The following WDFY3 variants were observed in gnomAD, a reference collection of about 807,000 sequenced individuals.
The protein encoded by WDFY3 is WD repeat and FYVE domain-containing protein 3.
In WDFY3, 66 loss-of-function variants were observed where a neutral mutation model predicts 409.6. The observed-to-expected ratio is 0.16, with a 90% CI of 0.13 to 0.20. The LOEUF (loss-of-function observed/expected upper bound fraction) is 0.20. Ranked by LOEUF, WDFY3 falls within the 10% of genes least tolerant of loss-of-function variation. The pLI, the probability that WDFY3 is intolerant of heterozygous loss-of-function variation, is 1.00. For synonymous variants in WDFY3, 1,521 were observed against 1,537.1 expected, an observed-to-expected ratio of 0.99 and a Z score of 0.25; for missense variants, 3,031 against 4,298.1, an observed-to-expected ratio of 0.71 and a Z score of 8.24.
intron 2 of WDFY3, among the ~76,000 whole-genome samples, chr4:84,922,226 A>G (rs1468479585): frequency 1.3e-5 from 2 of 152,110 alleles, no homozygotes. Context: ...ACATTTATTG[A>G]TATTTTACAC....
Position 84,669,639 on chromosome 4 carries a change from C to T in WDFY3, c.*3229G>A, listed in dbSNP as rs1725176052. 6.8e-6 allele frequency: 1 copy of T among 147,662 alleles called. No homozygotes were observed. Among genetic ancestry groups the T allele is most frequent in the African/African-American group, 2.5e-5 (1 of 39,598 alleles). The allele number at this position is 147,662 out of a possible 1,614,324, so 9.1% of individuals were successfully genotyped here. A position where few individuals can be genotyped will look rare whatever the true frequency, so the allele number is the denominator to read the frequency against. ...TTAATCATGTATTGTAATTGTGTTA[C>T]TCTACCTTTTTGCATCAGAGACAAA... On this transcript the variant is annotated 3_prime_UTR_variant, in exon 68 of 68. Coordinates refer to ENST00000295888, the MANE Select transcript of WDFY3 (RefSeq NM_014991.6).
At chr4:84,709,941 C>T (rs187304027) in intron 51 of WDFY3, among the ~76,000 whole-genome samples, 13 of 152,256 alleles carry the variant, frequency 8.5e-5, no homozygotes, top group Non-Finnish European at 1.6e-4. Context: ...GGCCAGGTCT[C>T]GACCTCCTGA....
intron 1 of WDFY3, among the ~76,000 whole-genome samples, chr4:84,941,217 G>GA (rs1772078422): frequency 6.6e-6 from 1 of 151,938 alleles, no homozygotes; most frequent in South Asian, 2.1e-4. Flanking sequence ...TATATAGATA[G>GA]AAAACCCCAA....
chr4:84,761,640 C>A (rs112704729), intron 32 of WDFY3, among the ~76,000 whole-genome samples: 1,784 of 152,206 alleles, frequency 0.012, 12 homozygotes, highest in Non-Finnish European at 0.016. Context: ...AGAGCTTCTG[C>A]ACAGCAAAGG....
intron 3 of WDFY3, among the ~76,000 whole-genome samples, chr4:84,891,183 T>C (rs920146639): frequency 1.3e-5 from 2 of 152,186 alleles, no homozygotes; most frequent in African/African-American, 2.4e-5. Flanking sequence ...GAGATGTTTT[T>C]AAAGTTTAAC....
chr4:84,679,841 T>TATATATATATATACATATACACACACAC (rs1235574031), intron 64 of WDFY3, among the ~76,000 whole-genome samples: 11 of 141,260 alleles, frequency 7.8e-5, no homozygotes, highest in African/African-American at 2.6e-4. Context: ...TATATATATA[T>TATATATATATATACATATACACACACAC]ACACACACAC....
chr4:84,850,066 A>G (rs1361789981), intron 4 of WDFY3, 41 bp from the exon 5 acceptor site: 1 of 1,533,368 alleles, frequency 6.5e-7, no homozygotes, highest in East Asian at 2.4e-5. Context: ...GCACTGACAA[A>G]TTTTTCTTTT....
chr4:84,913,837 C>CCCCTT (rs1477924812), intron 2 of WDFY3, among the ~76,000 whole-genome samples: 2 of 151,946 alleles, frequency 1.3e-5, no homozygotes, highest in Non-Finnish European at 2.9e-5. Flanking sequence ...TCCCTGGCCT[C>CCCCTT]CCCTTCCCTT....
Position 84,751,649 on chromosome 4 carries a change from C to G in WDFY3, c.5807G>C (p.Gly1936Ala). 6.2e-7 allele frequency: 1 copy of G among 1,614,090 alleles called. No individual in the cohort carries two copies. Among genetic ancestry groups the G allele is most frequent in the African/African-American group, 1.3e-5 (1 of 75,010 alleles). Residue 1936 changes from glycine to alanine, a missense_variant, in exon 36 of 68, where the codon GGG becomes GCG. Gly to Ala is a moderately conservative substitution (Grantham distance 60). Coordinates refer to ENST00000295888, the MANE Select transcript of WDFY3 (RefSeq NM_014991.6). ...GTACTCTGATTGGCTCCTGTTCATC[C>G]CTGTGTCTGCTGCAAACGCTTTAAA... ...EEFKAFAADT[G>A]MNRSQSEYCN...
At chr4:84,768,643 C>T (rs886569095) in intron 30 of WDFY3, among the ~76,000 whole-genome samples, 2 of 152,288 alleles carry the variant, frequency 1.3e-5, no homozygotes, top group African/African-American at 4.8e-5. Flanking sequence ...CAAGATACTA[C>T]CAGCTCACTG....
At chr4:84,853,690 CCAGT>C (rs1158021708) in intron 4 of WDFY3, among the ~76,000 whole-genome samples, 2 of 152,232 alleles carry the variant, frequency 1.3e-5, no homozygotes, top group Non-Finnish European at 2.9e-5. Context: ...GTTGAAAATG[CCAGT>C]AACTTTTTAC....
intron 64 of WDFY3, among the ~76,000 whole-genome samples, chr4:84,681,381 C>T (rs1443258544): frequency 3.3e-5 from 5 of 152,276 alleles, no homozygotes; most frequent in African/African-American, 1.2e-4. Flanking sequence ...AACCCCCAAA[C>T]ACTTATTGAA....
chr4:84,808,163 A>G (rs890690160), intron 15 of WDFY3, among the ~76,000 whole-genome samples, 171 bp downstream of exon 15: 3 of 152,062 alleles, frequency 2.0e-5, no homozygotes, highest in African/African-American at 2.4e-5. Flanking sequence ...TGAAAAACTG[A>G]TATCTTTAAA....
Position 84,671,020 on chromosome 4 carries a change from T to C in WDFY3, c.*1848A>G, listed in dbSNP as rs2148681080. The stretch of plus-strand genomic sequence containing the variant: ...AAGTGTTTTAATCAATTTTGATATG[T>C]AATCATAAATAGACTGTAGGCTCAA... On this transcript the variant is annotated 3_prime_UTR_variant, in exon 68 of 68. Coordinates refer to ENST00000295888, the MANE Select transcript of WDFY3 (RefSeq NM_014991.6). 6.5e-6 allele frequency: 1 copy of C among 152,778 alleles called. No homozygotes were observed. The highest frequency in any genetic ancestry group is 1.5e-5 in the Non-Finnish European group (1 of 68,032). 9.5% of individuals were successfully genotyped at this position (152,778 alleles called of 1,614,324 possible). A position where few individuals can be genotyped will look rare whatever the true frequency, so the allele number is the denominator to read the frequency against.
rs1433757968 is a variant in WDFY3, at chr4:84,672,710, C to T, written c.*158G>A. On this transcript the variant is annotated 3_prime_UTR_variant, in exon 68 of 68. Transcript: ENST00000295888. ...GCGTCTGCCCCATTCCTGTACTCTA[C>T]ACCCGTTTTATTCAATGATCCCTTT... The T allele has an allele frequency of 3.7e-6, 4 of 1,070,646 alleles. No individual in the cohort carries two copies. Among genetic ancestry groups the T allele is most frequent in the Non-Finnish European group, 4.0e-6 (3 of 747,326 alleles). The allele number at this position is 1,070,646 out of a possible 1,614,324, so 66.3% of individuals were successfully genotyped here. A position where few individuals can be genotyped will look rare whatever the true frequency, so the allele number is the denominator to read the frequency against.
At chr4:84,791,807 C>T (rs1748585845) in intron 21 of WDFY3, among the ~76,000 whole-genome samples, 1 of 152,114 alleles carries the variant, frequency 6.6e-6, no homozygotes, top group Non-Finnish European at 1.5e-5. Flanking sequence ...GATTTGCTAC[C>T]ATTCTACAAT....
chr4:84,897,553 T>TTG (rs1765804420), intron 2 of WDFY3, among the ~76,000 whole-genome samples: 1 of 152,038 alleles, frequency 6.6e-6, no homozygotes, highest in Non-Finnish European at 1.5e-5. Context: ...TGGCTAATTT[T>TTG]TACATTTAGT....
At position 84,815,956 on chromosome 4, in the gene WDFY3, A is replaced by T. The variant is rs1019596294; in HGVS notation, c.1887+1436T>A. ...TACTTGAATCAATTATTACTACGAT[A>T]GTTCATAAATTGTGATTTTCTTTGA... On this transcript the variant is annotated intron_variant, in intron 13 of 67. Transcript: ENST00000295888. 7.9e-5 allele frequency among the ~76,000 whole-genome samples: 12 copies of T among 152,274 alleles called. No homozygotes were observed. The Middle Eastern group carries it at 0.014, about 173-fold the overall frequency.
At chr4:84,721,897 T>C (rs1306499974) in intron 46 of WDFY3, among the ~76,000 whole-genome samples, 1 of 152,124 alleles carries the variant, frequency 6.6e-6, no homozygotes, top group African/African-American at 2.4e-5. Context: ...TAGAGGATTG[T>C]TGGAGGACTA....
Sources: allele counts gnomAD v4.1 joint callset (sites outside exome capture counted in the v4.1 genomes callset), GRCh38; gene constraint gnomAD v4.1.1; transcripts MANE v1.5; gene names NCBI Gene and HGNC (gene_info 2026-07-23, HGNC 2026-07-21).